ST6GALNAC5: variants seen among roughly 807,000 people sequenced by gnomAD.
ST6GALNAC5 encodes the protein ST6 N-acetylgalactosaminide alpha-2,6-sialyltransferase 5, also known as alpha-N-acetylgalactosaminide alpha-2,6-sialyltransferase 5.
In ST6GALNAC5, 27 loss-of-function variants were observed where a neutral mutation model predicts 33.6. The observed-to-expected ratio is 0.80, with a 90% CI of 0.59 to 1.11. The LOEUF is 1.11. ST6GALNAC5 is among the 50% of genes least tolerant of loss of function. ST6GALNAC5 has a pLI of 0.00. For synonymous variants in ST6GALNAC5, 194 were observed against 171.2 expected (o/e 1.13, Z -1.04); for missense variants, 428 against 454.0 (o/e 0.94, Z 0.52).
intron 2 of ST6GALNAC5, among the ~76,000 whole-genome samples, chr1:76,989,092 C>A (rs1649621149): frequency 6.6e-6 from 1 of 152,028 alleles, no homozygotes; most frequent in South Asian, 2.1e-4. Context: ...CACCTGTCTG[C>A]CGAAAGGATT....
At chr1:76,965,602 T>C (rs1054335062) in intron 2 of ST6GALNAC5, among the ~76,000 whole-genome samples, 1 of 152,242 alleles carries the variant, frequency 6.6e-6, no homozygotes, top group Non-Finnish European at 1.5e-5. Flanking sequence ...GCAGAAGCTC[T>C]TTAGTTTAAT....
At chr1:76,897,145 A>T (rs187515455) in intron 2 of ST6GALNAC5, among the ~76,000 whole-genome samples, 53 of 152,174 alleles carry the variant, frequency 3.5e-4, no homozygotes, top group African/African-American at 1.3e-3. Flanking sequence ...GCTTTGCGGC[A>T]GTACAGCCTA....
At chr1:76,917,794 T>C (rs988921855) in intron 2 of ST6GALNAC5, among the ~76,000 whole-genome samples, 9 of 152,116 alleles carry the variant, frequency 5.9e-5, no homozygotes, top group African/African-American at 1.9e-4. Flanking sequence ...ATACAAAGGC[T>C]AGTAGGCTGA....
At chr1:77,040,221 A>C (rs1047396654) in intron 2 of ST6GALNAC5, among the ~76,000 whole-genome samples, 11 of 152,232 alleles carry the variant, frequency 7.2e-5, no homozygotes, top group Admixed American at 2.6e-4. Flanking sequence ...GTCAGCCTTT[A>C]GTACATGCTC....
At chr1:76,996,739 G>A (rs187477068) in intron 2 of ST6GALNAC5, among the ~76,000 whole-genome samples, 13 of 152,254 alleles carry the variant, frequency 8.5e-5, no homozygotes, top group East Asian at 1.9e-4. Context: ...TCAGGGAGTC[G>A]CTCTGGAAAA....
rs368765610 is a variant in ST6GALNAC5, at chr1:77,050,405, G to T, written c.779+40G>T. On this transcript the variant is annotated intron_variant, in intron 4 of 4. Coordinates refer to ENST00000477717, the MANE Select transcript of ST6GALNAC5 (RefSeq NM_030965.3). ...GCAAGTGTAAATCATCAGCCGTGTTGTGCAGGATTTATAAATATCTGATTC... is the reference window on the plus strand; with the variant it reads ...GCAAGTGTAAATCATCAGCCGTGTTTTGCAGGATTTATAAATATCTGATTC... 48 of 1,573,662 alleles carry T rather than the reference G, an allele frequency of 3.1e-5. 1 individual carries two copies. The South Asian group carries it at 5.3e-4, about 17-fold the overall frequency.
chr1:76,926,430 C>G (rs571612184), intron 2 of ST6GALNAC5, among the ~76,000 whole-genome samples: 2 of 152,168 alleles, frequency 1.3e-5, no homozygotes, highest in Non-Finnish European at 2.9e-5. Context: ...AGGGGTCACT[C>G]TCTATATCAT....
chr1:76,971,861 A>C (rs773220944), intron 2 of ST6GALNAC5, among the ~76,000 whole-genome samples: 1 of 152,202 alleles, frequency 6.6e-6, no homozygotes, highest in African/African-American at 2.4e-5. Flanking sequence ...CTGTAGACAC[A>C]TTGTTCAATA....
intron 2 of ST6GALNAC5, among the ~76,000 whole-genome samples, chr1:77,003,782 T>C (rs937750004): frequency 2.0e-5 from 3 of 151,068 alleles, no homozygotes; most frequent in African/African-American, 7.3e-5. Context: ...AAATTCTGGG[T>C]GGAAAATTCT....
chr1:76,970,363 G>C (rs1361956488), intron 2 of ST6GALNAC5, among the ~76,000 whole-genome samples: 1 of 151,866 alleles, frequency 6.6e-6, no homozygotes, highest in Non-Finnish European at 1.5e-5. Context: ...GACCTTAAAT[G>C]ACCTGATGGA....
chr1:76,879,783 G>C (rs1356943344), intron 2 of ST6GALNAC5, among the ~76,000 whole-genome samples: 3 of 152,120 alleles, frequency 2.0e-5, no homozygotes, highest in Non-Finnish European at 2.9e-5. Flanking sequence ...TGGCAAAAAA[G>C]GTCCATCAGA....
intron 2 of ST6GALNAC5, among the ~76,000 whole-genome samples, chr1:76,878,169 C>T (rs903341526): frequency 3.3e-5 from 5 of 152,146 alleles, no homozygotes; most frequent in Non-Finnish European, 5.9e-5. Flanking sequence ...TACAGGGATG[C>T]GATATTGTTT....
intron 2 of ST6GALNAC5, among the ~76,000 whole-genome samples, chr1:76,894,143 A>T (rs1654073568): frequency 6.6e-6 from 1 of 152,214 alleles, no homozygotes; most frequent in South Asian, 2.1e-4. Context: ...TTTTTATTGT[A>T]CCAATTGCCT....
chr1:77,066,149 G>A lies in ST6GALNAC5; in HGVS notation c.*2943G>A, dbSNP rs998214338. On this transcript the variant is annotated 3_prime_UTR_variant, in exon 5 of 5. Coordinates refer to ENST00000477717, the MANE Select transcript of ST6GALNAC5 (RefSeq NM_030965.3). ...CCGTTAATGGGCATTTGGCAACTAAGTCCCTGTGCTTTGCTAACCCTGGTG... is the reference window on the plus strand; with the variant it reads ...CCGTTAATGGGCATTTGGCAACTAAATCCCTGTGCTTTGCTAACCCTGGTG... Among the ~76,000 whole-genome samples the A allele has an allele frequency of 1.3e-5, 2 of 152,050 alleles. No individual in the cohort carries two copies. Among genetic ancestry groups the A allele is most frequent in the Admixed American group, 6.6e-5 (1 of 15,238 alleles).
intron 2 of ST6GALNAC5, among the ~76,000 whole-genome samples, chr1:76,968,060 T>C (rs1387988365): frequency 6.6e-6 from 1 of 152,184 alleles, no homozygotes; most frequent in African/African-American, 2.4e-5. Context: ...TATATTCTGT[T>C]GATTTGGGGT....
intron 2 of ST6GALNAC5, among the ~76,000 whole-genome samples, chr1:77,037,832 C>T (rs1040837213): frequency 2.6e-5 from 4 of 151,964 alleles, no homozygotes; most frequent in Non-Finnish European, 5.9e-5. Context: ...GGATCTGGGG[C>T]ATATGTAGTA....
chr1:77,049,491 G>A lies in ST6GALNAC5; in HGVS notation c.672-767G>A, dbSNP rs201007178. ...TAGACCTTGGTGTTATGTCTCCACAGTTATCCTAAGGTGTAGCATATGGTA... is the reference window on the plus strand; with the variant it reads ...TAGACCTTGGTGTTATGTCTCCACAATTATCCTAAGGTGTAGCATATGGTA... On this transcript the variant is annotated intron_variant, in intron 3 of 4. Coordinates refer to ENST00000477717, the MANE Select transcript of ST6GALNAC5 (RefSeq NM_030965.3). 2.0e-5 allele frequency among the ~76,000 whole-genome samples: 3 copies of A among 152,300 alleles called. No individual in the cohort carries two copies. In the East Asian group the frequency reaches 5.8e-4, roughly 29 times the overall value.
intron 2 of ST6GALNAC5, among the ~76,000 whole-genome samples, chr1:76,950,721 G>A (rs1268545856): frequency 6.6e-6 from 1 of 152,090 alleles, no homozygotes; most frequent in Non-Finnish European, 1.5e-5. Flanking sequence ...AAAGACAAGG[G>A]TAGAGGTAAC....
At chr1:76,955,569 G>A (rs1339747492) in intron 2 of ST6GALNAC5, among the ~76,000 whole-genome samples, 1 of 152,118 alleles carries the variant, frequency 6.6e-6, no homozygotes, top group Non-Finnish European at 1.5e-5. Flanking sequence ...CTAGGACAAT[G>A]AGATGACTCT....
Sources: allele counts gnomAD v4.1 joint callset (sites outside exome capture counted in the v4.1 genomes callset), GRCh38; gene constraint gnomAD v4.1.1; transcripts MANE v1.5; gene names NCBI Gene and HGNC (gene_info 2026-07-23, HGNC 2026-07-21).